The following FBXW8 variants were observed in gnomAD, a reference collection of about 807,000 sequenced individuals.
The protein encoded by FBXW8 is F-box/WD repeat-containing protein 8.
FBXW8 carries 57 observed loss-of-function variants against 65.3 expected under a neutral mutation model. The ratio of observed to expected loss-of-function variants is 0.87; its 90% CI spans 0.71 to 1.09. The LOEUF is 1.09. Among genes scored for constraint, FBXW8 ranks in the 50% least tolerant of loss-of-function variants. The pLI is 0.00. For synonymous variants in FBXW8, 308 were observed against 330.2 expected (o/e 0.93, Z 0.73); for missense variants, 777 against 814.8 (o/e 0.95, Z 0.57).
At chr12:116,924,338 A>G (rs1416284478) in intron 1 of FBXW8, among the ~76,000 whole-genome samples, 4 of 152,210 alleles carry the variant, frequency 2.6e-5, no homozygotes, top group African/African-American at 7.2e-5. Context: ...TTTATGGGGC[A>G]CGGTGTCATA....
At chr12:117,020,385 C>T (rs1476511296) in intron 8 of FBXW8, among the ~76,000 whole-genome samples, 9 of 152,146 alleles carry the variant, frequency 5.9e-5, no homozygotes, top group Non-Finnish European at 1.3e-4. Context: ...TGCATTGAGT[C>T]GGCATGCATG....
intron 5 of FBXW8, among the ~76,000 whole-genome samples, chr12:116,982,526 G>T (rs997484726): frequency 6.6e-6 from 1 of 152,018 alleles, no homozygotes; most frequent in Non-Finnish European, 1.5e-5. Context: ...GATCAAGTGC[G>T]ACACTTTATA....
intron 4 of FBXW8, among the ~76,000 whole-genome samples, chr12:116,956,271 G>C (rs1022513564): frequency 7.9e-5 from 12 of 152,022 alleles, no homozygotes; most frequent in Non-Finnish European, 1.3e-4. Flanking sequence ...TAGTGTGGTT[G>C]GAAGGAGAAC....
intron 5 of FBXW8, among the ~76,000 whole-genome samples, chr12:116,979,777 C>CAAAAAAAAAAA (rs60145855): frequency 1.3e-5 from 1 of 74,532 alleles, no homozygotes; most frequent in African/African-American, 4.2e-5. Flanking sequence ...CAGGGAATGG[C>CAAAAAAAAAAA]AAAAAAAAAA....
chr12:116,999,981 ATTTTTTTTTT>A (rs71099027), intron 7 of FBXW8, among the ~76,000 whole-genome samples: 1 of 128,800 alleles, frequency 7.8e-6, no homozygotes, highest in African/African-American at 2.9e-5. Context: ...TCTGCATCTC[ATTTTTTTTTT>A]TTTTTTTTTT....
At chr12:116,920,244 G>A (rs554055364) in intron 1 of FBXW8, among the ~76,000 whole-genome samples, 24 of 152,320 alleles carry the variant, frequency 1.6e-4, no homozygotes, top group African/African-American at 5.8e-4. Flanking sequence ...CGAACCTTTT[G>A]AAATGATGCC....
chr12:117,027,719 G>A (rs61178788), intron 10 of FBXW8, among the ~76,000 whole-genome samples: 7,171 of 152,320 alleles, frequency 0.047, 413 homozygotes, highest in African/African-American at 0.13. Flanking sequence ...CCACGCTGTC[G>A]GCTGTACAGA....
chr12:117,015,303 C>T (rs1327947651), intron 8 of FBXW8, among the ~76,000 whole-genome samples: 4 of 152,046 alleles, frequency 2.6e-5, no homozygotes, highest in African/African-American at 9.7e-5. Flanking sequence ...CCCCAGAGTC[C>T]TCAGGTGTTT....
chr12:116,927,885 G>C, intron 1 of FBXW8, 138 bp from the exon 2 acceptor site: 1 of 601,312 alleles, frequency 1.7e-6, no homozygotes, highest in Non-Finnish European at 2.9e-6. Flanking sequence ...AAACAGTATG[G>C]ATGCCTCCCT....
intron 2 of FBXW8, among the ~76,000 whole-genome samples, chr12:116,930,968 C>T (rs1031639300): frequency 6.6e-6 from 1 of 152,132 alleles, no homozygotes; most frequent in South Asian, 2.1e-4. Context: ...CCAACATGCC[C>T]AGCTAACTTT....
At chr12:116,985,438 C>A in intron 6 of FBXW8, 36 bp downstream of exon 6, 1 of 1,592,010 alleles carries the variant, frequency 6.3e-7, no homozygotes. Context: ...ATTTTCTATT[C>A]TTAGAATCTC....
chr12:116,921,930 C>T (rs147231081), intron 1 of FBXW8, among the ~76,000 whole-genome samples: 2 of 148,714 alleles, frequency 1.3e-5, no homozygotes, highest in African/African-American at 5.0e-5. Context: ...CATACTCAAG[C>T]TATCCTCCCA....
At chr12:116,987,631 A>G (rs7311972) in intron 6 of FBXW8, among the ~76,000 whole-genome samples, 117,482 of 152,080 alleles carry the variant, frequency 0.77, 46,687 homozygotes, top group Non-Finnish European at 0.86. Flanking sequence ...ACACATTTTG[A>G]CACAAATGTT....
chr12:117,022,776 A>G (rs143348141), intron 8 of FBXW8, among the ~76,000 whole-genome samples: 110 of 152,354 alleles, frequency 7.2e-4, no homozygotes, highest in South Asian at 5.4e-3. Flanking sequence ...CTCTCAGTGA[A>G]TGCTTTTGCC....
At chr12:117,020,584 C>T (rs76072147) in intron 8 of FBXW8, among the ~76,000 whole-genome samples, 2,894 of 152,314 alleles carry the variant, frequency 0.019, 110 homozygotes, top group African/African-American at 0.066. Context: ...TTCTGATTCA[C>T]GCATTCTCTG....
intron 5 of FBXW8, among the ~76,000 whole-genome samples, chr12:116,969,879 C>G (rs2137401790): frequency 6.6e-6 from 1 of 152,180 alleles, no homozygotes; most frequent in South Asian, 2.1e-4. Flanking sequence ...TTTTGAATTC[C>G]AACCCTCTGG....
intron 1 of FBXW8, among the ~76,000 whole-genome samples, chr12:116,914,824 G>A (rs746490128): frequency 1.9e-4 from 29 of 152,186 alleles, no homozygotes; most frequent in South Asian, 6.2e-4. Context: ...GTGGTGAGCC[G>A]AGATCGTGCC....
chr12:116,967,072 A>G (rs1475779180), intron 5 of FBXW8, among the ~76,000 whole-genome samples: 1 of 152,148 alleles, frequency 6.6e-6, no homozygotes. Context: ...GTATGCAAAA[A>G]GAAGTCGAGG....
chr12:116,926,940 AT>A (rs554297511), intron 1 of FBXW8, among the ~76,000 whole-genome samples: 7 of 149,902 alleles, frequency 4.7e-5, no homozygotes, highest in Admixed American at 2.7e-4. Flanking sequence ...CATTGAGGTG[AT>A]TTTTTTTTTG....
Sources: allele counts gnomAD v4.1 joint callset (sites outside exome capture counted in the v4.1 genomes callset), GRCh38; gene constraint gnomAD v4.1.1; transcripts MANE v1.5; gene names NCBI Gene and HGNC (gene_info 2026-07-23, HGNC 2026-07-21).